The following SERINC5 variants were observed in gnomAD, a reference collection of about 807,000 sequenced individuals.
SERINC5 encodes serine incorporator 5, also known as chromosome 5 open reading frame 12.
Under a neutral mutation model 63.1 loss-of-function variants are expected in SERINC5, and 41 were observed. That is an observed-to-expected ratio of 0.65 (90% CI 0.51 to 0.84). SERINC5 has a LOEUF of 0.84. Among genes scored for constraint, SERINC5 ranks in the 40% least tolerant of loss-of-function variants. The pLI is 0.00. For missense variants in SERINC5, 523 were observed against 573.0 expected, an observed-to-expected ratio of 0.91 and a Z score of 0.89; for synonymous variants, 222 against 215.2, an observed-to-expected ratio of 1.03 and a Z score of -0.28.
chr5:80,180,966 G>A (rs1288685188), intron 2 of SERINC5, among the ~76,000 whole-genome samples: 1 of 152,132 alleles, frequency 6.6e-6, no homozygotes, highest in Non-Finnish European at 1.5e-5. Context: ...CATCTTGAAA[G>A]GTTTAGGGAC....
chr5:80,175,113 C>T, intron 4 of SERINC5, 66 bp from the exon 5 acceptor site: 1 of 1,096,584 alleles, frequency 9.1e-7, no homozygotes, highest in Non-Finnish European at 1.3e-6. Flanking sequence ...AAGAGAATAA[C>T]CACAGCTAAT....
At chr5:80,237,418 C>T (rs1416807381) in intron 1 of SERINC5, among the ~76,000 whole-genome samples, 1 of 151,468 alleles carries the variant, frequency 6.6e-6, no homozygotes, top group African/African-American at 2.4e-5. Context: ...ACTGCAGCTT[C>T]AACTTCCCAG....
intron 1 of SERINC5, among the ~76,000 whole-genome samples, chr5:80,219,882 T>G (rs1750822481): frequency 6.6e-6 from 1 of 152,114 alleles, no homozygotes; most frequent in Admixed American, 6.5e-5. Flanking sequence ...GGGTATTGGC[T>G]ACACACAACC....
rs7728618 is a variant in SERINC5 at position 80,143,324 on chromosome 5, A to G, written c.*339T>C. On this transcript the variant is annotated 3_prime_UTR_variant, in exon 12 of 12. Transcript: ENST00000507668. Reference sequence around the variant, plus strand: ...CGAGGATGAGAATGACTGGCCCCACAAGATATTTTTATCCCTGTGAAAAGA... The same window carrying G: ...CGAGGATGAGAATGACTGGCCCCACGAGATATTTTTATCCCTGTGAAAAGA... 0.25 allele frequency: 262,227 copies of G among 1,029,158 alleles called. 36,364 individuals are homozygous for G. Among genetic ancestry groups the G allele is most frequent in the African/African-American group, 0.53 (30,965 of 58,558 alleles). 63.8% of individuals were successfully genotyped at this position (1,029,158 alleles called of 1,614,324 possible). A position where few individuals can be genotyped will look rare whatever the true frequency, so the allele number is the denominator to read the frequency against.
At chr5:80,248,266 G>A (rs1355038819) in intron 1 of SERINC5, among the ~76,000 whole-genome samples, 1 of 152,062 alleles carries the variant, frequency 6.6e-6, no homozygotes, top group Non-Finnish European at 1.5e-5. Flanking sequence ...TGCGCTTTGG[G>A]GCCACTAAGT....
chr5:80,209,766 G>A (rs115312655), intron 1 of SERINC5, among the ~76,000 whole-genome samples: 163 of 152,254 alleles, frequency 1.1e-3, no homozygotes, highest in African/African-American at 3.6e-3. Context: ...TAAACGGCGC[G>A]TGGTGGCTCA....
chr5:80,123,840 T>C (rs1256598958), intron 11 of SERINC5, among the ~76,000 whole-genome samples: 1 of 152,212 alleles, frequency 6.6e-6, no homozygotes, highest in East Asian at 1.9e-4. Context: ...TGATATCGTG[T>C]CCTGTAATAA....
At chr5:80,242,936 T>C (rs745355023) in intron 1 of SERINC5, among the ~76,000 whole-genome samples, 2 of 152,178 alleles carry the variant, frequency 1.3e-5, no homozygotes, top group Non-Finnish European at 2.9e-5. Flanking sequence ...ATGTTACACA[T>C]TGTTACATTT....
chr5:80,224,714 T>A (rs1333407831), intron 1 of SERINC5, among the ~76,000 whole-genome samples: 1 of 150,132 alleles, frequency 6.7e-6, no homozygotes, highest in African/African-American at 2.5e-5. Context: ...GCAACCTCCA[T>A]CTCCTGGGTT....
intron 2 of SERINC5, among the ~76,000 whole-genome samples, chr5:80,184,605 G>A (rs1299912950): frequency 1.3e-5 from 2 of 152,182 alleles, no homozygotes; most frequent in Admixed American, 1.3e-4. Context: ...TACTCTGTGG[G>A]TGACTTAGCA....
At chr5:80,195,408 A>T (rs1749440769) in intron 2 of SERINC5, among the ~76,000 whole-genome samples, 1 of 152,166 alleles carries the variant, frequency 6.6e-6, no homozygotes, top group African/African-American at 2.4e-5. Flanking sequence ...ATTATATCCT[A>T]AAAAGATCAT....
At chr5:80,215,083 G>C (rs951096328) in intron 1 of SERINC5, among the ~76,000 whole-genome samples, 1 of 152,234 alleles carries the variant, frequency 6.6e-6, no homozygotes, top group African/African-American at 2.4e-5. Context: ...GCTAGGATTT[G>C]TGTCCCCACC....
At chr5:80,146,834 T>G (rs1745858302) in intron 10 of SERINC5, among the ~76,000 whole-genome samples, 1 of 152,148 alleles carries the variant, frequency 6.6e-6, no homozygotes, top group Non-Finnish European at 1.5e-5. Flanking sequence ...CAGCAGAAAG[T>G]GAGAGTAAAA....
intron 1 of SERINC5, among the ~76,000 whole-genome samples, chr5:80,214,340 T>C (rs1021748639): frequency 6.6e-6 from 1 of 152,188 alleles, no homozygotes; most frequent in African/African-American, 2.4e-5. Flanking sequence ...CTCTTCTGTA[T>C]TTTCTGAACT....
intron 2 of SERINC5, among the ~76,000 whole-genome samples, chr5:80,178,363 C>T (rs1001478835): frequency 8.0e-6 from 1 of 125,362 alleles, no homozygotes; most frequent in East Asian, 2.6e-4. Flanking sequence ...CACCCCCACC[C>T]CACCCCCGAC....
At chr5:80,152,865 T>A (rs908676954) in intron 8 of SERINC5, among the ~76,000 whole-genome samples, 1 of 152,046 alleles carries the variant, frequency 6.6e-6, no homozygotes, top group African/African-American at 2.4e-5. Context: ...TGCTTGACAC[T>A]CAGGAGGCAG....
chr5:80,182,549 C>CCG (rs1748514180), intron 2 of SERINC5, among the ~76,000 whole-genome samples: 1 of 141,556 alleles, frequency 7.1e-6, no homozygotes, highest in East Asian at 3.5e-4. Context: ...TGACCGCCCC[C>CCG]CCCCCCTCCG....
chr5:80,255,590 C>T lies in SERINC5; in HGVS notation c.27+306G>A, dbSNP rs77386654. On this transcript the variant is annotated intron_variant, in intron 1 of 11. Transcript: ENST00000507668. The stretch of plus-strand genomic sequence containing the variant: ...ATTCACCAGTGCTCGGCGCAAGAGG[C>T]GACACGCCCCTGGAGCAGTCGGGAT... Among the ~76,000 whole-genome samples, 124 of 152,350 alleles carry T rather than the reference C, an allele frequency of 8.1e-4. 5 individuals carry two copies. The East Asian group carries it at 0.024, about 30-fold the overall frequency.
intron 11 of SERINC5, among the ~76,000 whole-genome samples, chr5:80,117,249 C>A (rs776565191): frequency 6.6e-6 from 1 of 152,090 alleles, no homozygotes; most frequent in African/African-American, 2.4e-5. Flanking sequence ...CCTCACTCTG[C>A]CGTTTACTCA....
Sources: gnomAD v4.1 joint callset for allele counts (sites outside exome capture counted in the v4.1 genomes callset) on GRCh38, gnomAD v4.1.1 for gene constraint, MANE v1.5 for transcripts, NCBI Gene and HGNC (gene_info 2026-07-23, HGNC 2026-07-21) for gene names.